The following SULF2 variants were observed in gnomAD, a reference collection of about 807,000 sequenced individuals.
SULF2 encodes the protein sulfatase 2.
SULF2 carries 52 observed loss-of-function variants against 107.7 expected under a neutral mutation model. The observed-to-expected ratio is 0.48, with a 90% CI of 0.39 to 0.61. The LOEUF (loss-of-function observed/expected upper bound fraction) is 0.61. SULF2 is among the 20% of genes least tolerant of loss of function. The pLI is 0.00. For synonymous variants in SULF2, 460 were observed against 464.3 expected, an observed-to-expected ratio of 0.99 and a Z score of 0.12; for missense variants, 993 against 1,177.3, an observed-to-expected ratio of 0.84 and a Z score of 2.29.
chr20:47,670,216 A>G (rs561102300), intron 11 of SULF2, among the ~76,000 whole-genome samples: 1 of 152,062 alleles, frequency 6.6e-6, no homozygotes, highest in Admixed American at 6.5e-5. Context: ...TTTTTTTGAG[A>G]CAGTCTTGCT....
chr20:47,685,866 C>T (rs1348826874), intron 5 of SULF2: 2 of 152,228 alleles, frequency 1.3e-5, no homozygotes, highest in East Asian at 1.9e-4. Context: ...TGTCTGAGCA[C>T]CTGTGATGTG....
intron 10 of SULF2, among the ~76,000 whole-genome samples, chr20:47,674,209 T>A (rs991344158): frequency 1.3e-5 from 2 of 152,252 alleles, no homozygotes; most frequent in African/African-American, 4.8e-5. Flanking sequence ...CTGCAACTAC[T>A]CATGTAGAAG....
chr20:47,704,429 T>C (rs1004238669), intron 3 of SULF2, among the ~76,000 whole-genome samples: 1 of 152,076 alleles, frequency 6.6e-6, no homozygotes, highest in Non-Finnish European at 1.5e-5. Context: ...CATGCCACCA[T>C]GCCTGGCTTA....
chr20:47,742,448 C>T (rs1184923432), intron 2 of SULF2, among the ~76,000 whole-genome samples: 1 of 152,172 alleles, frequency 6.6e-6, no homozygotes, highest in Non-Finnish European at 1.5e-5. Flanking sequence ...AGGGTGAGGT[C>T]ACTCTGACAC....
chr20:47,684,392 G>T, intron 6 of SULF2, 39 bp downstream of exon 6: 2 of 1,564,648 alleles, frequency 1.3e-6, no homozygotes, highest in Non-Finnish European at 8.6e-7. Context: ...CTGGGGGTTC[G>T]GAGCCACGCC....
chr20:47,759,207 G>A (rs1203464993), intron 1 of SULF2, among the ~76,000 whole-genome samples: 2 of 152,154 alleles, frequency 1.3e-5, no homozygotes, highest in Non-Finnish European at 1.5e-5. Context: ...CTCACCTGCC[G>A]CACCTTCCCT....
rs748422248 is a variant in SULF2, at chr20:47,684,597, A to G, written c.738-16T>C. 3.1e-6 allele frequency: 5 copies of G among 1,611,360 alleles called. No individual in the cohort carries two copies. The highest frequency in any genetic ancestry group is 1.7e-5 in the Admixed American group (1 of 59,794). On this transcript the variant is annotated splice_polypyrimidine_tract_variant and intron_variant, in intron 5 of 20. Coordinates refer to ENST00000688720, the MANE Select transcript of SULF2 (RefSeq NM_001387048.1). Reference sequence around the variant, plus strand: ...GCTCGGCGTGCTGGTGGGCAAGGACATACACATCGGTCAAACCCAGGGACA... The same window carrying G: ...GCTCGGCGTGCTGGTGGGCAAGGACGTACACATCGGTCAAACCCAGGGACA...
chr20:47,758,651 G>A (rs1212995113), intron 1 of SULF2, among the ~76,000 whole-genome samples: 1 of 152,122 alleles, frequency 6.6e-6, no homozygotes, highest in Non-Finnish European at 1.5e-5. Context: ...GGCTCAAGCA[G>A]GTCTCTAATC....
intron 3 of SULF2, among the ~76,000 whole-genome samples, chr20:47,726,860 C>T (rs945413331): frequency 2.3e-4 from 35 of 152,280 alleles, no homozygotes; most frequent in African/African-American, 7.7e-4. Flanking sequence ...CCTTCCCTCA[C>T]TTTTGACCCT....
intron 3 of SULF2, among the ~76,000 whole-genome samples, chr20:47,709,754 CTG>C (rs57995482): frequency 1.3e-5 from 2 of 150,738 alleles, no homozygotes; most frequent in East Asian, 1.9e-4. Flanking sequence ...AGGGAAGAGT[CTG>C]TGTGTGTGTG....
At chr20:47,707,766 G>C (rs1453847516) in intron 3 of SULF2, among the ~76,000 whole-genome samples, 1 of 152,088 alleles carries the variant, frequency 6.6e-6, no homozygotes, top group Non-Finnish European at 1.5e-5. Context: ...AGCTAGCTTT[G>C]GAATAAAAAA....
intron 3 of SULF2, among the ~76,000 whole-genome samples, chr20:47,732,800 G>T (rs752727557): frequency 6.6e-6 from 1 of 152,114 alleles, no homozygotes; most frequent in Non-Finnish European, 1.5e-5. Context: ...CTGAGATTAC[G>T]CCACTGCACT....
chr20:47,775,720 C>A lies in SULF2; in HGVS notation c.-101+9623G>T, dbSNP rs181805132. ...TACAAAGATGAACAAGCTTCAGGAC[C>A]TCCTGTTCTAGTGAGGGCATCACAC... On this transcript the variant is annotated intron_variant, in intron 1 of 20. Coordinates refer to ENST00000688720, the MANE Select transcript of SULF2 (RefSeq NM_001387048.1). Among the ~76,000 whole-genome samples the A allele has an allele frequency of 3.6e-3, 555 of 152,324 alleles. 3 individuals are homozygous for A. The highest frequency in any genetic ancestry group is 5.7e-3 in the Non-Finnish European group (386 of 68,030).
chr20:47,663,463 A>T lies in SULF2; in HGVS notation c.2217T>A (p.Pro739=). The T allele has an allele frequency of 6.2e-7, 1 of 1,609,014 alleles. No homozygotes were observed. The highest frequency in any genetic ancestry group is 8.5e-7 in the Non-Finnish European group (1 of 1,179,992). The change falls in exon 16 of 21, where the codon CCT becomes CCA. Residue 739 remains proline (P), a synonymous_variant. Transcript: ENST00000688720. Reference sequence around the variant, plus strand: ...CCTGGGCTTGCTCACGTGTCCAGAAAGGCGCCGTCTGCCAGTGCTGGTTGT... The same window carrying T: ...CCTGGGCTTGCTCACGTGTCCAGAATGGCGCCGTCTGCCAGTGCTGGTTGT... ...THDNQHWQTA[P]FWTLGPFCAC...
intron 4 of SULF2, among the ~76,000 whole-genome samples, chr20:47,695,178 G>C (rs555612877): frequency 7.9e-5 from 12 of 152,262 alleles, no homozygotes; most frequent in African/African-American, 2.4e-4. Context: ...CAGCTATCAG[G>C]AAAATGAATG....
rs1411017441 is a variant in SULF2 at position 47,676,506 on chromosome 20, C to T, written c.1368G>A (p.Glu456=). 1 of 1,607,912 alleles carries T rather than the reference C, an allele frequency of 6.2e-7. No homozygotes were observed. The highest frequency in any genetic ancestry group is 8.5e-7 in the Non-Finnish European group (1 of 1,178,404). The change falls in exon 10 of 21, where the codon GAG becomes GAA. Residue 456 remains glutamate, a synonymous_variant. Coordinates refer to ENST00000688720, the MANE Select transcript of SULF2 (RefSeq NM_001387048.1). ...CQRAEYQTAC[E]QLGQKWQCVE... The stretch of plus-strand genomic sequence containing the variant: ...GGAGCCTTCTTACCTGTCCCAGCTG[C>T]TCACACGCCGTCTGGTACTCAGCAC...
At position 47,663,488 on chromosome 20, in the gene SULF2, T is replaced by C. The variant is rs1366965495; in HGVS notation, c.2192A>G (p.Asp731Gly). 1.9e-6 allele frequency: 3 copies of C among 1,611,164 alleles called. No homozygotes were observed. Among genetic ancestry groups the C allele is most frequent in the Admixed American group, 3.3e-5 (2 of 60,004 alleles). ...SMPGLTCFTH[D>G]NQHWQTAPFW... ...AGGCGCCGTCTGCCAGTGCTGGTTGTCGTGGGTGAAGCACGTGAGGCCTGG... is the reference window on the plus strand; with the variant it reads ...AGGCGCCGTCTGCCAGTGCTGGTTGCCGTGGGTGAAGCACGTGAGGCCTGG... Residue 731 changes from aspartate to glycine, a missense_variant, in exon 16 of 21, where the codon GAC becomes GGC. Physicochemically the swap from Asp to Gly is moderately conservative, Grantham distance 94. Coordinates refer to ENST00000688720, the MANE Select transcript of SULF2 (RefSeq NM_001387048.1).
At chr20:47,741,013 C>T (rs188608501) in intron 2 of SULF2, among the ~76,000 whole-genome samples, 149 of 152,272 alleles carry the variant, frequency 9.8e-4, no homozygotes, top group African/African-American at 2.9e-3. Context: ...GCCCTCTCTT[C>T]AACGTAAACA....
chr20:47,757,312 G>T lies in SULF2; in HGVS notation c.52C>A (p.Leu18Met). 6.2e-7 allele frequency: 1 copy of T among 1,601,914 alleles called. No individual in the cohort carries two copies. ...AGGAAGGCCGAGCTTCCACCCAGCAGGGAGAACACAGTTGCGGACAGCAAG... is the reference window on the plus strand; with the variant it reads ...AGGAAGGCCGAGCTTCCACCCAGCATGGAGAACACAGTTGCGGACAGCAAG... ...LCLLSATVFS[L>M]LGGSSAFLSH... Residue 18 changes from leucine to methionine, a missense_variant, in exon 2 of 21, where the codon CTG (leucine) becomes ATG (methionine). Leu to Met is a conservative substitution (Grantham distance 15, BLOSUM62 2). Coordinates refer to ENST00000688720, the MANE Select transcript of SULF2 (RefSeq NM_001387048.1).
Sources: gnomAD v4.1 joint callset for allele counts (sites outside exome capture counted in the v4.1 genomes callset) on GRCh38, gnomAD v4.1.1 for gene constraint, MANE v1.5 for transcripts, NCBI Gene and HGNC (gene_info 2026-07-23, HGNC 2026-07-21) for gene names.